CAAP1: variants seen among roughly 807,000 people sequenced by gnomAD.
The protein encoded by CAAP1 is conserved anti-apoptotic protein.
In CAAP1, 20 loss-of-function variants were observed where a neutral mutation model predicts 34.0. The observed-to-expected ratio is 0.59, with a 90% confidence interval of 0.41 to 0.86. The LOEUF (loss-of-function observed/expected upper bound fraction) is 0.86. Among genes scored for constraint, CAAP1 ranks in the 40% least tolerant of loss-of-function variants. The pLI is 0.00. For missense variants in CAAP1, 538 were observed against 450.5 expected, an observed-to-expected ratio of 1.19 and a Z score of -1.76; for synonymous variants, 213 against 166.7, an observed-to-expected ratio of 1.28 and a Z score of -2.14.
At chr9:26,857,234 C>T (rs1186451694) in intron 5 of CAAP1, among the ~76,000 whole-genome samples, 1 of 152,180 alleles carries the variant, frequency 6.6e-6, no homozygotes, top group Non-Finnish European at 1.5e-5. Context: ...CAGGTATGCG[C>T]ATGCACACAT....
chr9:26,877,376 T>C (rs1823465925), intron 4 of CAAP1, among the ~76,000 whole-genome samples: 1 of 152,192 alleles, frequency 6.6e-6, no homozygotes, highest in Admixed American at 6.5e-5. Flanking sequence ...TAGGTTTGTA[T>C]AAGTGTACTC....
intron 4 of CAAP1, among the ~76,000 whole-genome samples, chr9:26,874,737 C>T (rs1823383553): frequency 1.3e-5 from 2 of 152,082 alleles, no homozygotes; most frequent in Non-Finnish European, 2.9e-5. Context: ...ATGACTACTG[C>T]TTTCTTGTTA....
intron 4 of CAAP1, among the ~76,000 whole-genome samples, chr9:26,872,045 A>G (rs1476086810): frequency 6.6e-6 from 1 of 151,816 alleles, no homozygotes; most frequent in Non-Finnish European, 1.5e-5. Flanking sequence ...TTATTAAACT[A>G]ACAAACAGCA....
At chr9:26,853,575 C>T (rs920348332) in intron 5 of CAAP1, among the ~76,000 whole-genome samples, 1 of 152,114 alleles carries the variant, frequency 6.6e-6, no homozygotes, top group African/African-American at 2.4e-5. Flanking sequence ...AAGCCAGTGT[C>T]AAGAAAGAGA....
At chr9:26,846,247 C>T (rs113182739) in intron 5 of CAAP1, among the ~76,000 whole-genome samples, 6,700 of 151,472 alleles carry the variant, frequency 0.044, 506 homozygotes, top group African/African-American at 0.15. Context: ...TGAAACCCCA[C>T]CTCTACTAAA....
At chr9:26,868,057 C>T (rs748827223) in intron 4 of CAAP1, among the ~76,000 whole-genome samples, 7 of 152,154 alleles carry the variant, frequency 4.6e-5, no homozygotes, top group Admixed American at 6.5e-5. Context: ...TATCTATCTA[C>T]TATTTATGTA....
chr9:26,885,456 T>C (rs924510366), intron 3 of CAAP1, among the ~76,000 whole-genome samples: 5 of 152,198 alleles, frequency 3.3e-5, no homozygotes, highest in Non-Finnish European at 7.3e-5. Flanking sequence ...TGTACATATG[T>C]ATATATCTAT....
chr9:26,849,842 T>C (rs920110462), intron 5 of CAAP1, among the ~76,000 whole-genome samples: 1 of 142,180 alleles, frequency 7.0e-6, no homozygotes, highest in Non-Finnish European at 1.5e-5. Flanking sequence ...AGTAAAACAA[T>C]TTTTTTTTTT....
rs1307448231 is a variant in CAAP1, at chr9:26,892,496, A to C, written c.220T>G (p.Trp74Gly). The change falls in exon 1 of 6, where the codon TGG becomes GGG. Residue 74 changes from tryptophan to glycine, a missense_variant. Trp to Gly is a radical substitution (Grantham distance 184). Coordinates refer to ENST00000333916, the MANE Select transcript of CAAP1 (RefSeq NM_024828.4). ...VTGGGSGGSCWGGSSVERSER... is the reference protein window; with the variant it reads ...VTGGGSGGSCGGGSSVERSER... ...CTGCGCTCCACGCTGCTCCCGCCCCAACAGCTGCCGCCGCTCCCACCGCCG... is the reference window on the plus strand; with the variant it reads ...CTGCGCTCCACGCTGCTCCCGCCCCCACAGCTGCCGCCGCTCCCACCGCCG... The C allele has an allele frequency of 2.6e-6, 4 of 1,567,096 alleles. No homozygotes were observed. The African/African-American group carries it at 5.4e-5, about 21-fold the overall frequency.
At chr9:26,860,997 T>C in intron 5 of CAAP1, 69 bp downstream of exon 5, 2 of 1,184,222 alleles carry the variant, frequency 1.7e-6, no homozygotes, top group South Asian at 2.5e-5. Context: ...ACACTGAAAA[T>C]TTATTTTTGG....
In CAAP1 at chr9:26,891,471, T is replaced by A. The variant is rs144369007; in HGVS notation, c.303+942A>T. On this transcript the variant is annotated intron_variant, in intron 1 of 5. Coordinates refer to ENST00000333916, the MANE Select transcript of CAAP1 (RefSeq NM_024828.4). Reference sequence around the variant, plus strand: ...TTTGGTGGCATTCATAAGTTTTTAATAGCATAAACTTTGACCCAGGAATTT... The same window carrying A: ...TTTGGTGGCATTCATAAGTTTTTAAAAGCATAAACTTTGACCCAGGAATTT... Among the ~76,000 whole-genome samples, 881 of 152,276 alleles carry A rather than the reference T, an allele frequency of 5.8e-3. 8 individuals are homozygous for A. The highest frequency in any genetic ancestry group is 0.01 in the Middle Eastern group (3 of 294).
chr9:26,850,115 C>T (rs898101714), intron 5 of CAAP1, among the ~76,000 whole-genome samples: 4 of 152,142 alleles, frequency 2.6e-5, no homozygotes, highest in Admixed American at 2.0e-4. Flanking sequence ...GGATTACAGG[C>T]GTCAGCCACC....
At chr9:26,866,805 T>C (rs1277813826) in intron 4 of CAAP1, among the ~76,000 whole-genome samples, 1 of 152,134 alleles carries the variant, frequency 6.6e-6, no homozygotes, top group Non-Finnish European at 1.5e-5. Context: ...AAATCTATTA[T>C]CTCTCAATTC....
intron 1 of CAAP1, among the ~76,000 whole-genome samples, chr9:26,888,154 T>C (rs1192798703): frequency 6.6e-6 from 1 of 152,244 alleles, no homozygotes; most frequent in Non-Finnish European, 1.5e-5. Context: ...GCATCTAATC[T>C]GAGGTCTCTT....
At chr9:26,860,233 G>C in intron 5 of CAAP1, among the ~76,000 whole-genome samples, 1 of 152,072 alleles carries the variant, frequency 6.6e-6, no homozygotes, top group Non-Finnish European at 1.5e-5. Flanking sequence ...AAGATAAAAA[G>C]AAGTAAAAAA....
At chr9:26,892,063 G>C (rs1001273410) in intron 1 of CAAP1, among the ~76,000 whole-genome samples, 2 of 152,102 alleles carry the variant, frequency 1.3e-5, no homozygotes, top group Non-Finnish European at 2.9e-5. Context: ...TCTACGAAAA[G>C]GTGAAGACGA....
At chr9:26,881,139 T>A (rs1000292793) in intron 4 of CAAP1, among the ~76,000 whole-genome samples, 5 of 151,982 alleles carry the variant, frequency 3.3e-5, no homozygotes, top group Non-Finnish European at 7.4e-5. Flanking sequence ...CAAGACCCCA[T>A]CTAATTTAAT....
At chr9:26,844,480 T>C (rs537757944) in intron 5 of CAAP1, among the ~76,000 whole-genome samples, 37 of 152,352 alleles carry the variant, frequency 2.4e-4, no homozygotes, top group Non-Finnish European at 4.0e-4. Context: ...AACTACAGGC[T>C]GTATAAAATA....
At chr9:26,873,142 C>G (rs899000189) in intron 4 of CAAP1, among the ~76,000 whole-genome samples, 1 of 152,130 alleles carries the variant, frequency 6.6e-6, no homozygotes, top group East Asian at 1.9e-4. Context: ...GGTCCCAACT[C>G]CTCAGGAGGC....
Sources: gnomAD v4.1 joint callset for allele counts (sites outside exome capture counted in the v4.1 genomes callset) on GRCh38, gnomAD v4.1.1 for gene constraint, MANE v1.5 for transcripts, NCBI Gene and HGNC (gene_info 2026-07-23, HGNC 2026-07-21) for gene names.